Variants in FOXK2 observed in about 807,000 individuals in gnomAD.
FOXK2 encodes the protein forkhead box protein K2.
FOXK2 carries 24 observed loss-of-function variants against 53.3 expected under a neutral mutation model. That is an observed-to-expected ratio of 0.45 (90% CI 0.33 to 0.63). The LOEUF (loss-of-function observed/expected upper bound fraction) is 0.63. Among genes scored for constraint, FOXK2 ranks in the 30% least tolerant of loss-of-function variants. The probability of loss-of-function intolerance (pLI) is 0.03; values close to 1 mark genes in which losing one functional copy is unlikely to be tolerated. For synonymous variants in FOXK2, 505 were observed against 407.1 expected (o/e 1.24, Z -2.89); for missense variants, 952 against 910.5 (o/e 1.05, Z -0.59).
chr17:82,549,415 C>T (rs2044655284), intron 1 of FOXK2, among the ~76,000 whole-genome samples: 1 of 152,018 alleles, frequency 6.6e-6, no homozygotes, highest in Non-Finnish European at 1.5e-5. Flanking sequence ...AAATTATTCT[C>T]CTTATTACAG....
intron 1 of FOXK2, among the ~76,000 whole-genome samples, chr17:82,541,383 G>A (rs906944930): frequency 6.8e-6 from 1 of 147,376 alleles, no homozygotes; most frequent in African/African-American, 2.5e-5. Flanking sequence ...AGTGATTCTC[G>A]TGCCTCAGCC....
rs1392175333 is a variant in FOXK2, at chr17:82,582,940, GA to G, written c.1103+11del. On this transcript the variant is annotated splice_region_variant and intron_variant, in intron 5 of 8. Transcript: ENST00000335255. ...CTGGGACCGCTCTCTTCTAGGTAAG[GA>G]AAAAGAAGAACAAAAGGCCTCACTT... 9 of 1,530,466 alleles carry G rather than the reference GA, an allele frequency of 5.9e-6. No individual in the cohort carries two copies. The African/African-American group carries it at 7.1e-5, about 12-fold the overall frequency. The allele number at this position is 1,530,466 out of a possible 1,614,324, so 94.8% of individuals were successfully genotyped here.
At chr17:82,579,130 G>T (rs527637449) in intron 4 of FOXK2, among the ~76,000 whole-genome samples, 1 of 152,182 alleles carries the variant, frequency 6.6e-6, no homozygotes, top group East Asian at 1.9e-4. Context: ...TCAGGCAGTG[G>T]CTGGGATTGC....
At chr17:82,573,933 G>A (rs1444882115) in intron 4 of FOXK2, among the ~76,000 whole-genome samples, 1 of 152,202 alleles carries the variant, frequency 6.6e-6, no homozygotes, top group Admixed American at 6.6e-5. Context: ...TTTTGGGGGG[G>A]CCCAAGTCAG....
At chr17:82,573,560 T>TCA (rs1407940714) in intron 4 of FOXK2, among the ~76,000 whole-genome samples, 5,855 of 101,574 alleles carry the variant, frequency 0.058, 101 homozygotes, top group Middle Eastern at 0.07. Flanking sequence ...TCTCTCTCTC[T>TCA]CTCACACACA....
intron 6 of FOXK2, among the ~76,000 whole-genome samples, chr17:82,584,954 T>G (rs2045115604): frequency 6.6e-6 from 1 of 152,236 alleles, no homozygotes; most frequent in African/African-American, 2.4e-5. Context: ...ACAAACATAG[T>G]GTGGAAATGT....
rs376648674 is a variant in FOXK2 at position 82,582,726 on chromosome 17, T to A, written c.910-15T>A. The A allele has an allele frequency of 1.1e-5, 17 of 1,547,784 alleles. No individual in the cohort carries two copies. The highest frequency in any genetic ancestry group is 1.5e-5 in the Non-Finnish European group (17 of 1,148,060). Reference sequence around the variant, plus strand: ...ATAAATATATGAATTCTACGTATTTTTTTATGTTTCATAGAATTCAATTCG... The same window carrying A: ...ATAAATATATGAATTCTACGTATTTATTTATGTTTCATAGAATTCAATTCG... On this transcript the variant is annotated splice_polypyrimidine_tract_variant and intron_variant, in intron 4 of 8. Coordinates refer to ENST00000335255, the MANE Select transcript of FOXK2 (RefSeq NM_004514.4).
chr17:82,576,908 C>A, intron 4 of FOXK2: 1 of 430,938 alleles, frequency 2.3e-6, no homozygotes, highest in Non-Finnish European at 4.2e-6. Context: ...GCCTGTAATC[C>A]CAGCACTTTG....
chr17:82,590,382 C>T (rs56694818), intron 8 of FOXK2, among the ~76,000 whole-genome samples: 5,361 of 152,224 alleles, frequency 0.035, 325 homozygotes, highest in African/African-American at 0.12. Flanking sequence ...TCTCAAGCTC[C>T]GGGGCTCAAG....
intron 4 of FOXK2, among the ~76,000 whole-genome samples, chr17:82,581,029 G>A (rs183392501): frequency 1.3e-5 from 2 of 152,356 alleles, no homozygotes; most frequent in East Asian, 3.9e-4. Flanking sequence ...TTTATATTTT[G>A]TATGTTGGAT....
chr17:82,596,265 G>A (rs2045309479), intron 8 of FOXK2: 35 of 935,306 alleles, frequency 3.7e-5, no homozygotes, highest in South Asian at 4.9e-5. Context: ...GCAGTTGTTC[G>A]CTGACGCCTT....
chr17:82,576,519 GT>G, intron 4 of FOXK2: 1 of 603,614 alleles, frequency 1.7e-6, no homozygotes, highest in Non-Finnish European at 2.9e-6. Flanking sequence ...AACAGAGTCA[GT>G]CTTTTTCCAA....
rs1490305045 is a variant in FOXK2 at position 82,602,222 on chromosome 17, C to T, written c.*723C>T. On this transcript the variant is annotated 3_prime_UTR_variant, in exon 9 of 9. Transcript: ENST00000335255. ...TGGACAGGTGGACGGACGCTGTGGC[C>T]GCATGGAACCTTGAGAACCCAGGGA... 5.9e-5 allele frequency: 9 copies of T among 152,234 alleles called. No individual in the cohort carries two copies. Among genetic ancestry groups the T allele is most frequent in the Admixed American group, 6.5e-5 (1 of 15,286 alleles). The allele number at this position is 152,234 out of a possible 1,614,324, so 9.4% of individuals were successfully genotyped here.
At chr17:82,520,991 C>T (rs1398127226) in intron 1 of FOXK2, among the ~76,000 whole-genome samples, 1 of 152,172 alleles carries the variant, frequency 6.6e-6, no homozygotes, top group Admixed American at 6.5e-5. Flanking sequence ...AGTGTTAAGT[C>T]AGCCTGATAG....
intron 4 of FOXK2, among the ~76,000 whole-genome samples, chr17:82,582,379 G>A (rs2045074345): frequency 6.6e-6 from 1 of 152,312 alleles, no homozygotes; most frequent in South Asian, 2.1e-4. Context: ...TTCCTCTTTG[G>A]AAGCCCATAG....
chr17:82,530,265 C>T (rs1048832073), intron 1 of FOXK2, among the ~76,000 whole-genome samples: 5 of 151,914 alleles, frequency 3.3e-5, no homozygotes, highest in South Asian at 4.2e-4. Context: ...CTGAGGCAGG[C>T]GGATCTCCTG....
intron 6 of FOXK2, among the ~76,000 whole-genome samples, chr17:82,584,976 C>T (rs1457908934): frequency 1.3e-5 from 2 of 152,266 alleles, no homozygotes; most frequent in Admixed American, 1.3e-4. Context: ...TCCAAACTGT[C>T]TGTTACAGTT....
chr17:82,565,990 T>C (rs1378899122), intron 2 of FOXK2, among the ~76,000 whole-genome samples: 3 of 151,384 alleles, frequency 2.0e-5, no homozygotes, highest in African/African-American at 7.3e-5. Context: ...CTCAGTGAAA[T>C]AAGCCAGTCA....
chr17:82,559,918 A>G (rs1049702254), intron 1 of FOXK2, among the ~76,000 whole-genome samples: 8 of 151,684 alleles, frequency 5.3e-5, no homozygotes, highest in Non-Finnish European at 1.0e-4. Context: ...GTAGTGATAA[A>G]CAGGTGTTTG....
Sources: allele counts gnomAD v4.1 joint callset (sites outside exome capture counted in the v4.1 genomes callset), GRCh38; gene constraint gnomAD v4.1.1; transcripts MANE v1.5; gene names NCBI Gene and HGNC (gene_info 2026-07-23, HGNC 2026-07-21).